Variants in DLK2 observed in about 807,000 individuals in gnomAD.
DLK2 encodes protein delta homolog 2.
Under a neutral mutation model 31.3 loss-of-function variants are expected in DLK2, and 9 were observed. That is an observed-to-expected ratio of 0.29 (90% CI 0.17 to 0.50). DLK2 has a LOEUF of 0.50. Among genes scored for constraint, DLK2 ranks in the 20% least tolerant of loss-of-function variants. The pLI, the probability that DLK2 is intolerant of heterozygous loss-of-function variation, is 0.98. For missense variants in DLK2, 387 were observed against 526.1 expected, an observed-to-expected ratio of 0.74 and a Z score of 2.59; for synonymous variants, 169 against 201.2, an observed-to-expected ratio of 0.84 and a Z score of 1.35.
chr6:43,452,166 C>G lies in DLK2; in HGVS notation c.272-82G>C, dbSNP rs541360445. On this transcript the variant is annotated intron_variant, in intron 4 of 5. Coordinates refer to ENST00000372488, the MANE Select transcript of DLK2 (RefSeq NM_023932.4). ...AGACTTGTCCACGCCTTCCAGGCCC[C>G]AGGTTCTGTAGGTGTGGCTATACTA... 4.6e-5 allele frequency: 73 copies of G among 1,579,128 alleles called. No homozygotes were observed. The Middle Eastern group carries it at 1.0e-3, about 23-fold the overall frequency.
chr6:43,455,590 C>G (rs1320266138), upstream of DLK2: 3 of 149,848 alleles, frequency 2.0e-5, no homozygotes, highest in Non-Finnish European at 1.5e-5. Flanking sequence ...GGCTGCTCCT[C>G]GCGCGCGCTC....
intron 2 of DLK2, 78 bp downstream of exon 2, chr6:43,454,672 C>T (rs2127424473): frequency 2.7e-6 from 4 of 1,501,484 alleles, no homozygotes; most frequent in Non-Finnish European, 2.7e-6. Context: ...TGCAGTGCCG[C>T]CTCCGGCCGG....
At position 43,453,136 on chromosome 6, in the gene DLK2, C is replaced by G; in HGVS notation, c.141-1G>C. 2 of 1,596,848 alleles carry G rather than the reference C, an allele frequency of 1.3e-6. No individual in the cohort carries two copies. The highest frequency in any genetic ancestry group is 1.1e-5 in the South Asian group (1 of 90,246). ...CAGCCCCTCCCAGCCCGGGTCACAC[C>G]TGACGGGGAGAAGCACAGGGTCAGG... On this transcript the variant is annotated splice_acceptor_variant, in intron 3 of 5. Transcript: ENST00000372488. LOFTEE classifies it high-confidence loss of function. This position sits in a 1 kb window ranked among gnomAD's most constrained non-coding sequence, Gnocchi z 4.1.
In DLK2 at chr6:43,454,846, G is replaced by GGGAA. The variant is rs1562215548; in HGVS notation, c.-22_-21insTTCC. 1.7e-5 allele frequency: 26 copies of GGGAA among 1,540,154 alleles called. No individual in the cohort carries two copies. The highest frequency in any genetic ancestry group is 2.3e-5 in the Non-Finnish European group (26 of 1,148,622). The stretch of plus-strand genomic sequence containing the variant: ...GGCATGGTCAGCGCCGGCCCCAGGA[G>GGGAA]GGACGGACGGATGGACGGCCGGACG... On this transcript the variant is annotated 5_prime_UTR_variant, in exon 2 of 6. Coordinates refer to ENST00000372488, the MANE Select transcript of DLK2 (RefSeq NM_023932.4).
rs368237392 is a variant in DLK2, at chr6:43,450,495, G to T, written c.*44C>A. ...TGAGAACGGACCACTCCAGTCTGAG[G>T]GGTGGAAGAGGTGAGGAAGGGGGCC... On this transcript the variant is annotated 3_prime_UTR_variant, in exon 6 of 6. Coordinates refer to ENST00000372488, the MANE Select transcript of DLK2 (RefSeq NM_023932.4). This position sits in a 1 kb window ranked among gnomAD's most constrained non-coding sequence, Gnocchi z 4.5. The T allele has an allele frequency of 2.7e-5, 41 of 1,519,760 alleles. No individual in the cohort carries two copies. Among genetic ancestry groups the T allele is most frequent in the Admixed American group, 2.2e-5 (1 of 45,942 alleles). 94.1% of individuals were successfully genotyped at this position (1,519,760 alleles called of 1,614,324 possible). A position where few individuals can be genotyped will look rare whatever the true frequency, so the allele number is the denominator to read the frequency against.
In DLK2 at chr6:43,451,490, C is replaced by G. The variant is rs951906835; in HGVS notation, c.417-216G>C. Among the ~76,000 whole-genome samples the G allele has an allele frequency of 1.3e-5, 2 of 152,170 alleles. No individual in the cohort carries two copies. Among genetic ancestry groups the G allele is most frequent in the African/African-American group, 4.8e-5 (2 of 41,446 alleles). ...CAATGTCAAGCCATTAGCACAGGGC[C>G]CAGCCAGAAGGCAGGGCTCAGGGTA... On this transcript the variant is annotated intron_variant, in intron 5 of 5. Coordinates refer to ENST00000372488, the MANE Select transcript of DLK2 (RefSeq NM_023932.4). This position sits in a 1 kb window ranked among gnomAD's most constrained non-coding sequence, Gnocchi z 4.4.
Position 43,454,821 on chromosome 6 carries a change from G to C in DLK2, c.5C>G (p.Pro2Arg). ...GAGATGCAGGCAGCGGCAGCCGCTG[G>C]GCATGGTCAGCGCCGGCCCCAGGAG... M[P>R]SGCRCLHLVC... Residue 2 changes from proline (P) to arginine (R), a missense_variant, in exon 2 of 6, where the codon CCC becomes CGC. Physicochemically the swap from Pro to Arg is moderately radical, Grantham distance 103. Coordinates refer to ENST00000372488, the MANE Select transcript of DLK2 (RefSeq NM_023932.4). 1.3e-6 allele frequency: 2 copies of C among 1,549,262 alleles called. No individual in the cohort carries two copies. The highest frequency in any genetic ancestry group is 1.7e-6 in the Non-Finnish European group (2 of 1,153,594).
Position 43,451,477 on chromosome 6 carries a change from A to G in DLK2, c.417-203T>C, listed in dbSNP as rs1023858563. On this transcript the variant is annotated intron_variant, in intron 5 of 5. Transcript: ENST00000372488. This position sits in a 1 kb window ranked among gnomAD's most constrained non-coding sequence, Gnocchi z 4.4. ...TGAGTGAAATAATCAATGTCAAGCC[A>G]TTAGCACAGGGCCCAGCCAGAAGGC... 5.9e-5 allele frequency among the ~76,000 whole-genome samples: 9 copies of G among 152,360 alleles called. No individual in the cohort carries two copies. Among genetic ancestry groups the G allele is most frequent in the African/African-American group, 2.2e-4 (9 of 41,594 alleles).
At position 43,451,870 on chromosome 6, in the gene DLK2, T is replaced by C. The variant is rs1783765270; in HGVS notation, c.416+70A>G. 1 of 1,586,802 alleles carries C rather than the reference T, an allele frequency of 6.3e-7. No individual in the cohort carries two copies. On this transcript the variant is annotated intron_variant, in intron 5 of 5. Transcript: ENST00000372488. The surrounding 1 kb of genome is among the most constrained non-coding windows in gnomAD (Gnocchi z 4.4). ...CAGTCCCCCACCCTCCCAACAGTCC[T>C]GCCTCTTTTCTCATCCCATCACCAG...
In DLK2 at chr6:43,453,294, CACAT is replaced by C. The variant is rs1355898328; in HGVS notation, c.141-163_141-160del. Among the ~76,000 whole-genome samples, 2 of 152,210 alleles carry C rather than the reference CACAT, an allele frequency of 1.3e-5. No homozygotes were observed. Among genetic ancestry groups the C allele is most frequent in the Non-Finnish European group, 2.9e-5 (2 of 68,040 alleles). ...TGTAGGACTGTGCAGGGTCATAGGA[CACAT>C]ATACGGAATCAGACCATCAGACACC... On this transcript the variant is annotated intron_variant, in intron 3 of 5. Transcript: ENST00000372488. This position sits in a 1 kb window ranked among gnomAD's most constrained non-coding sequence, Gnocchi z 4.1.
chr6:43,453,173 T>A lies in DLK2; in HGVS notation c.141-38A>T. On this transcript the variant is annotated intron_variant, in intron 3 of 5. Coordinates refer to ENST00000372488, the MANE Select transcript of DLK2 (RefSeq NM_023932.4). The surrounding 1 kb of genome is among the most constrained non-coding windows in gnomAD (Gnocchi z 4.1). ...AGCACAGGGTCAGGGCTCTGGGTCATGGATGTGAAGAAATGGAGGAGACAG... is the reference window on the plus strand; with the variant it reads ...AGCACAGGGTCAGGGCTCTGGGTCAAGGATGTGAAGAAATGGAGGAGACAG... 1 of 1,561,050 alleles carries A rather than the reference T, an allele frequency of 6.4e-7. No individual in the cohort carries two copies. The highest frequency in any genetic ancestry group is 8.7e-7 in the Non-Finnish European group (1 of 1,149,804).
chr6:43,455,741 AGAG>A (rs1468052755), upstream of DLK2, among the ~76,000 whole-genome samples: 14 of 151,084 alleles, frequency 9.3e-5, no homozygotes, highest in Admixed American at 8.6e-4. Context: ...TCCTTCCAAG[AGAG>A]GAGGAAATCT....
chr6:43,456,604 A>G (rs1783985494), upstream of DLK2: 1 of 151,896 alleles, frequency 6.6e-6, no homozygotes, highest in African/African-American at 2.4e-5. Flanking sequence ...AATCCCAGCT[A>G]CTCGGAAGGC....
At chr6:43,455,187 G>A (rs1209705529) in intron 1 of DLK2, 1 of 752,418 alleles carries the variant, frequency 1.3e-6, no homozygotes, top group Non-Finnish European at 1.6e-6. Context: ...GGACAGCGCC[G>A]AGAGGCGGCC....
intron 2 of DLK2, 37 bp from the exon 3 acceptor site, chr6:43,454,511 CAG>C (rs1453740764): frequency 6.4e-7 from 1 of 1,562,822 alleles, no homozygotes; most frequent in Non-Finnish European, 8.7e-7. Flanking sequence ...GAGTCTGAGT[CAG>C]GGCACAGCTC....
intron 4 of DLK2, 143 bp downstream of exon 4, chr6:43,452,862 A>C (rs1222211025): frequency 7.9e-7 from 1 of 1,267,718 alleles, no homozygotes; most frequent in South Asian, 1.5e-5. Context: ...ACAACATATA[A>C]AAAGTCTAAG....
In DLK2 at chr6:43,451,414, G is replaced by C; in HGVS notation, c.417-140C>G. 1 of 1,144,482 alleles carries C rather than the reference G, an allele frequency of 8.7e-7. No homozygotes were observed. Among genetic ancestry groups the C allele is most frequent in the Non-Finnish European group, 1.2e-6 (1 of 830,532 alleles). The allele number at this position is 1,144,482 out of a possible 1,614,324, so 70.9% of individuals were successfully genotyped here. ...CTCAAATACCTCATTTTAAAAATGA[G>C]AATAAAAATAGTACCCAGCTTCCCT... On this transcript the variant is annotated intron_variant, in intron 5 of 5. Coordinates refer to ENST00000372488, the MANE Select transcript of DLK2 (RefSeq NM_023932.4). The surrounding 1 kb of genome is among the most constrained non-coding windows in gnomAD (Gnocchi z 4.4).
chr6:43,455,042 G>A, intron 1 of DLK2, 162 bp from the exon 2 acceptor site: 1 of 985,138 alleles, frequency 1.0e-6, no homozygotes, highest in Non-Finnish European at 1.2e-6. Flanking sequence ...CAGGCGAAGA[G>A]AGCGAGGAGA....
intron 2 of DLK2, 99 bp downstream of exon 2, chr6:43,454,651 G>C: frequency 6.9e-7 from 1 of 1,453,972 alleles, no homozygotes; most frequent in Middle Eastern, 1.7e-4. Context: ...TGCCCCGCGG[G>C]TCGGAGCGAC....
Sources: gnomAD v4.1 joint callset for allele counts (sites outside exome capture counted in the v4.1 genomes callset) on GRCh38, gnomAD v4.1.1 for gene constraint, Gnocchi (gnomAD v3.1) non-coding constraint, MANE v1.5 for transcripts, NCBI Gene and HGNC (gene_info 2026-07-23, HGNC 2026-07-21) for gene names.